Variants in APOB observed in about 807,000 individuals in gnomAD.
APOB encodes the protein apolipoprotein B, also known as apolipoprotein B-100.
A neutral mutation model predicts 314.1 loss-of-function variants in APOB; 153 were observed. The ratio of observed to expected loss-of-function variants is 0.49; its 90% confidence interval spans 0.43 to 0.56. The LOEUF (loss-of-function observed/expected upper bound fraction) is 0.56. APOB is among the 20% of genes least tolerant of loss of function. The pLI, the probability that APOB is intolerant of heterozygous loss-of-function variation, is 0.00. For synonymous variants in APOB, 2,087 were observed against 2,036.4 expected (o/e 1.02, Z -0.67); for missense variants, 5,430 against 5,350.7 (o/e 1.01, Z -0.46).
rs387906569 is a variant in APOB at position 21,004,450 on chromosome 2, TC to T, written c.11905del (p.Glu3969AsnfsTer38). 6.2e-7 allele frequency: 1 copy of T among 1,613,848 alleles called. No homozygotes were observed. The highest frequency in any genetic ancestry group is 8.5e-7 in the Non-Finnish European group (1 of 1,179,876). On this transcript the variant is annotated frameshift_variant and splice_region_variant, in exon 28 of 29. Transcript: ENST00000233242. LOFTEE classifies it high-confidence loss of function. ...ATTGAGGTGCGCTTTTCCTTCCCAT[TC>T]CCTGAAAGCAGAAAAACAGATGAGC... The part of the protein sequence containing the change: ...EEDGKYEGLQ[E>X]WEGKAHLNIK...
intron 18 of APOB, 119 bp from the exon 19 acceptor site, chr2:21,020,024 T>C: frequency 1.2e-6 from 1 of 863,788 alleles, no homozygotes; most frequent in South Asian, 1.4e-5. Flanking sequence ...CACACCTATC[T>C]CTAACTATTT....
Position 21,013,220 on chromosome 2 carries a change from G to A in APOB, c.4156C>T (p.Arg1386Trp), listed in dbSNP as rs201270852. ...GNTSTDHFSL[R>W]ARYHMKADSV... ...TCAGCCTTCATGTGGTAACGAGCCCGAAGGCTGAAATGGTCTGTGCTGGTG... is the reference window on the plus strand; with the variant it reads ...TCAGCCTTCATGTGGTAACGAGCCCAAAGGCTGAAATGGTCTGTGCTGGTG... Residue 1386 changes from arginine to tryptophan, a missense_variant, in exon 25 of 29, where the codon CGG (arginine) becomes TGG (tryptophan). Transcript: ENST00000233242. The A allele has an allele frequency of 1.6e-5, 26 of 1,614,170 alleles. No homozygotes were observed. In the East Asian group the frequency reaches 3.6e-4, roughly 22 times the overall value.
intron 15 of APOB, among the ~76,000 whole-genome samples, chr2:21,026,449 T>C (rs1239622121): frequency 6.6e-6 from 1 of 151,820 alleles, no homozygotes; most frequent in Admixed American, 6.6e-5. Context: ...GGGGTTTCAG[T>C]ATGTTGGCCA....
rs761506204 is a variant in APOB, at chr2:21,011,017, T to C, written c.5851A>G (p.Ser1951Gly). Reference protein sequence around the residue: ...TFSHDYKGSTSHHLVSRKSIS... With the variant: ...TFSHDYKGSTGHHLVSRKSIS... The stretch of plus-strand genomic sequence containing the variant: ...CTTTTCCTAGACACGAGATGATGAC[T>C]TGTGGAGCCTTTGTAATCATGAGAG... Residue 1951 changes from serine (S) to glycine (G), a missense_variant, in exon 26 of 29, where the codon AGT (serine) becomes GGT (glycine). Physicochemically the swap from Ser to Gly is moderately conservative, Grantham distance 56 (BLOSUM62 0). This residue lies in a region of APOB where 3,281 missense variants were observed against 3,171.0 expected (regional missense o/e 1.03). Coordinates refer to ENST00000233242, the MANE Select transcript of APOB (RefSeq NM_000384.3). The C allele has an allele frequency of 2.5e-6, 4 of 1,614,162 alleles. No individual in the cohort carries two copies. The highest frequency in any genetic ancestry group is 3.4e-6 in the Non-Finnish European group (4 of 1,180,010).
rs12713523 is a variant in APOB, at chr2:21,004,930, G to A, written c.11788+150C>T. 1,753 of 1,088,580 alleles carry A rather than the reference G, an allele frequency of 1.6e-3. 6 individuals are homozygous for A. The highest frequency in any genetic ancestry group is 2.0e-3 in the Non-Finnish European group (1,505 of 748,746). 67.4% of individuals were successfully genotyped at this position (1,088,580 alleles called of 1,614,324 possible). A position where few individuals can be genotyped will look rare whatever the true frequency, so the allele number is the denominator to read the frequency against. ...AGATTTTCTACAGTTTGGTTTTTAC[G>A]TGTAGGGTATACATGTATCTCTTTT... On this transcript the variant is annotated intron_variant, in intron 26 of 28. Coordinates refer to ENST00000233242, the MANE Select transcript of APOB (RefSeq NM_000384.3).
At position 21,001,933 on chromosome 2, in the gene APOB, A is replaced by C. The variant is rs751629013; in HGVS notation, c.13489T>G (p.Tyr4497Asp). 2 of 1,613,952 alleles carry C rather than the reference A, an allele frequency of 1.2e-6. No individual in the cohort carries two copies. Among genetic ancestry groups the C allele is most frequent in the African/African-American group, 2.7e-5 (2 of 74,928 alleles). Residue 4497 changes from tyrosine to aspartate, a missense_variant, in exon 29 of 29, where the codon TAT (tyrosine) becomes GAT (aspartate). Physicochemically the swap from Tyr to Asp is radical, Grantham distance 160. Transcript: ENST00000233242. Reference sequence around the variant, plus strand: ...TGGTCTGAAAAATCTTGCAGTTTATATCTAAACTGCTGGTGGTAATCAGAA... The same window carrying C: ...TGGTCTGAAAAATCTTGCAGTTTATCTCTAAACTGCTGGTGGTAATCAGAA... ...IISDYHQQFR[Y>D]KLQDFSDQLS...
chr2:21,037,134 G>T lies in APOB; in HGVS notation c.659C>A (p.Thr220Lys). 1 of 1,614,244 alleles carries T rather than the reference G, an allele frequency of 6.2e-7. No homozygotes were observed. Among genetic ancestry groups the T allele is most frequent in the South Asian group, 1.1e-5 (1 of 91,086 alleles). ...GQCDRFKPIR[T>K]GISPLALIKG... ...GATGAGAGCAAGTGGGCTGATGCCT[G>T]TGCGGATGGGCTTGAAGCGATCACA... The change falls in exon 6 of 29, where the codon ACA (threonine) becomes AAA (lysine). Residue 220 changes from threonine (T) to lysine (K), a missense_variant. Physicochemically the swap from Thr to Lys is moderately conservative, Grantham distance 78. This residue lies in a region of APOB where 2,085 missense variants were observed against 2,079.7 expected (regional missense o/e 1.00). Transcript: ENST00000233242.
chr2:21,023,062 C>A lies in APOB; in HGVS notation c.2605-20G>T, dbSNP rs1349692633. ...CTGCATCTATAAGTCAGAAAACAAC[C>A]TATTCAGATTCATTAAATACTTCAG... On this transcript the variant is annotated intron_variant, in intron 17 of 28. Coordinates refer to ENST00000233242, the MANE Select transcript of APOB (RefSeq NM_000384.3). The A allele has an allele frequency of 1.2e-6, 2 of 1,608,326 alleles. No individual in the cohort carries two copies. The highest frequency in any genetic ancestry group is 1.7e-6 in the Non-Finnish European group (2 of 1,174,788).
intron 20 of APOB, among the ~76,000 whole-genome samples, chr2:21,017,766 A>G (rs1663514318): frequency 6.6e-6 from 1 of 152,150 alleles, no homozygotes; most frequent in Non-Finnish European, 1.5e-5. Context: ...AGGCTGGTCC[A>G]TTTTATATCC....
At chr2:21,028,568 T>C (rs773327630) in intron 12 of APOB, 30 bp from the exon 13 acceptor site, 38 of 1,500,980 alleles carry the variant, frequency 2.5e-5, no homozygotes, top group African/African-American at 8.2e-5. Flanking sequence ...TGGTTATCAC[T>C]GTCCTGTGGT....
intron 4 of APOB, among the ~76,000 whole-genome samples, chr2:21,040,441 G>T (rs948861438): frequency 6.6e-6 from 1 of 152,178 alleles, no homozygotes; most frequent in Admixed American, 6.5e-5. Flanking sequence ...TGCGACATGG[G>T]CCCTGACCAG....
chr2:21,004,959 A>T, intron 26 of APOB, 121 bp downstream of exon 26: 1 of 1,359,146 alleles, frequency 7.4e-7, no homozygotes, highest in Non-Finnish European at 1.0e-6. Context: ...CTCTTTTCTT[A>T]CTTAAAATTT....
intron 18 of APOB, among the ~76,000 whole-genome samples, chr2:21,020,784 T>C (rs1663587348): frequency 1.3e-5 from 2 of 152,258 alleles, no homozygotes; most frequent in South Asian, 4.1e-4. Flanking sequence ...TTTGCTGATG[T>C]GCTGGAGTCC....
chr2:21,003,323 A>G lies in APOB; in HGVS notation c.12099T>C (p.Asp4033=), dbSNP rs763374014. Residue 4033 remains aspartate (D), a synonymous_variant, in exon 29 of 29, where the codon GAT becomes GAC. Coordinates refer to ENST00000233242, the MANE Select transcript of APOB (RefSeq NM_000384.3). ...CAGTTTTGAATATGGTGAGTTTTTT[A>G]TCTGGAGAGGACTAAACAGAGAGAA... is the stretch of plus-strand genomic sequence containing the variant. ...NFYYSPQSSP[D]KKLTIFKTEL... 1 of 1,612,902 alleles carries G rather than the reference A, an allele frequency of 6.2e-7. No homozygotes were observed. Among genetic ancestry groups the G allele is most frequent in the East Asian group, 2.2e-5 (1 of 44,850 alleles).
rs1000065533 is a variant in APOB at position 21,002,116 on chromosome 2, G to T, written c.13306C>A (p.Leu4436Ile). ...AGAAATTGCTCAACTTGACTTGAGA[G>T]TTGGGAAGTAAAGTTAGAGGCACTG... ...IVSASNFTSQ[L>I]SSQVEQFLHR... Residue 4436 changes from leucine to isoleucine, a missense_variant, in exon 29 of 29, where the codon CTC becomes ATC. Physicochemically the swap from Leu to Ile is conservative, Grantham distance 5. This residue lies in a region of APOB where 3,281 missense variants were observed against 3,171.0 expected (regional missense o/e 1.03). Coordinates refer to ENST00000233242, the MANE Select transcript of APOB (RefSeq NM_000384.3). 2 of 1,613,980 alleles carry T rather than the reference G, an allele frequency of 1.2e-6. No individual in the cohort carries two copies. Among genetic ancestry groups the T allele is most frequent in the Non-Finnish European group, 1.7e-6 (2 of 1,179,968 alleles).
In APOB at chr2:21,014,474, G is replaced by A. The variant is rs1317067101; in HGVS notation, c.3816C>T (p.His1272=). Residue 1272 remains histidine (H), a synonymous_variant, in exon 24 of 29, where the codon CAC becomes CAT. Coordinates refer to ENST00000233242, the MANE Select transcript of APOB (RefSeq NM_000384.3). ...TTTTTAAGAAGAGGTTTTCTGGGAT[G>A]TGGAAGTCTGGCAATCCCATGTTCT... ...NLQNMGLPDF[H]IPENLFLKSD... 3 of 1,614,146 alleles carry A rather than the reference G, an allele frequency of 1.9e-6. No individual in the cohort carries two copies. Among genetic ancestry groups the A allele is most frequent in the South Asian group, 1.1e-5 (1 of 91,084 alleles).
At chr2:21,027,440 A>C (rs910198276) in intron 14 of APOB, among the ~76,000 whole-genome samples, 22 of 150,594 alleles carry the variant, frequency 1.5e-4, no homozygotes, top group African/African-American at 5.1e-4. Context: ...CATCCTCCCA[A>C]GTAGCTGGGA....
In APOB at chr2:21,011,030, G is replaced by T. The variant is rs986986719; in HGVS notation, c.5838C>A (p.Tyr1946Ter). ...CGAGATGATGACTTGTGGAGCCTTT[G>T]TAATCATGAGAGAAAGTAAATGCCA... ...EPLAFTFSHD[Y>*]KGSTSHHLVS... The change falls in exon 26 of 29, where the codon TAC (tyrosine) becomes TAA (stop). Residue 1946 changes from tyrosine (Y) to a stop codon, truncating the protein, a stop_gained. Transcript: ENST00000233242. LOFTEE classifies it high-confidence loss of function. The T allele has an allele frequency of 6.2e-7, 1 of 1,614,040 alleles. No homozygotes were observed. Among genetic ancestry groups the T allele is most frequent in the Non-Finnish European group, 8.5e-7 (1 of 1,180,028 alleles).
Position 21,013,960 on chromosome 2 carries a change from A to G in APOB, c.3843-427T>C, listed in dbSNP as rs147270037. 3.6e-3 allele frequency among the ~76,000 whole-genome samples: 542 copies of G among 152,344 alleles called. 1 individual carries two copies. The highest frequency in any genetic ancestry group is 0.012 in the African/African-American group (517 of 41,586). On this transcript the variant is annotated intron_variant, in intron 24 of 28. Transcript: ENST00000233242. ...GTACCTAGTCTAGCATTTTGCACAT[A>G]GGGGATACTTGATACAAATTTGCTA...
Sources: allele counts gnomAD v4.1 joint callset (sites outside exome capture counted in the v4.1 genomes callset), GRCh38; gene constraint gnomAD v4.1.1; regional missense constraint gnomAD v4.1.1; transcripts MANE v1.5; gene names NCBI Gene and HGNC (gene_info 2026-07-23, HGNC 2026-07-21).